CADM2: variants seen among roughly 807,000 people sequenced by gnomAD.
CADM2 encodes the protein cell adhesion molecule 2, also known as immunoglobulin superfamily member 4D.
A neutral mutation model predicts 49.8 loss-of-function variants in CADM2; 12 were observed. That is an observed-to-expected ratio of 0.24 (90% CI 0.15 to 0.39). The LOEUF is 0.39. CADM2 is among the 10% of genes least tolerant of loss of function. The pLI is 1.00. For missense variants in CADM2, 378 were observed against 492.3 expected (o/e 0.77, Z 2.20); for synonymous variants, 214 against 175.4 (o/e 1.22, Z -1.74).
At position 85,560,212 on chromosome 3, in the gene CADM2, G is replaced by A. The variant is rs539680736; in HGVS notation, c.62-166310G>A. Among the ~76,000 whole-genome samples, 12 of 152,312 alleles carry A rather than the reference G, an allele frequency of 7.9e-5. No homozygotes were observed. The South Asian group carries it at 2.5e-3, about 32-fold the overall frequency. On this transcript the variant is annotated intron_variant, in intron 1 of 9. Transcript: ENST00000383699. Reference sequence around the variant, plus strand: ...TCAAAACTAAGCTGGTGAACCATGAGGGGATTACAGTTTTATCAACAGCCT... The same window carrying A: ...TCAAAACTAAGCTGGTGAACCATGAAGGGATTACAGTTTTATCAACAGCCT...
Position 85,006,102 on chromosome 3 carries a change from A to T in CADM2, c.61+46434A>T, listed in dbSNP as rs558259227. ...TACACAGACACAAACAATGTGGCCT[A>T]GCTGGATAGCTGTGAAATCAAAGCA... On this transcript the variant is annotated intron_variant, in intron 1 of 9. Transcript: ENST00000383699. Among the ~76,000 whole-genome samples the T allele has an allele frequency of 4.9e-4, 74 of 152,286 alleles. No individual in the cohort carries two copies. In the South Asian group the frequency reaches 0.011, roughly 22 times the overall value.
chr3:85,798,450 G>T (rs1011605131), intron 2 of CADM2, among the ~76,000 whole-genome samples: 9 of 152,108 alleles, frequency 5.9e-5, no homozygotes, highest in Non-Finnish European at 1.2e-4. Context: ...TTTGTATAAG[G>T]TGTAAGGAAG....
chr3:85,897,520 C>T (rs989275344), intron 5 of CADM2, among the ~76,000 whole-genome samples: 11 of 151,394 alleles, frequency 7.3e-5, no homozygotes, highest in Admixed American at 6.6e-4. Context: ...CCACCCGCCT[C>T]GGCCTCCCAA....
intron 1 of CADM2, among the ~76,000 whole-genome samples, chr3:85,165,370 C>G (rs747828338): frequency 6.6e-6 from 1 of 151,772 alleles, no homozygotes; most frequent in Non-Finnish European, 1.5e-5. Context: ...AATTAATGGT[C>G]TAAGACAATT....
intron 1 of CADM2, among the ~76,000 whole-genome samples, chr3:85,430,738 A>G (rs770794951): frequency 1.4e-4 from 21 of 152,032 alleles, no homozygotes; most frequent in Admixed American, 5.9e-4. Flanking sequence ...GAAGACAGAT[A>G]AATAACACAT....
chr3:85,706,120 C>T (rs1644359818), intron 1 of CADM2, among the ~76,000 whole-genome samples: 1 of 152,154 alleles, frequency 6.6e-6, no homozygotes, highest in South Asian at 2.1e-4. Context: ...AGATAATCTT[C>T]CATCTCAAGG....
At chr3:85,134,548 A>T (rs2039356769) in intron 1 of CADM2, among the ~76,000 whole-genome samples, 1 of 152,236 alleles carries the variant, frequency 6.6e-6, no homozygotes, top group South Asian at 2.1e-4. Flanking sequence ...TAATTTTAGC[A>T]GAGTTGGTTA....
At chr3:85,304,905 A>G (rs372820140) in intron 1 of CADM2, among the ~76,000 whole-genome samples, 84 of 151,860 alleles carry the variant, frequency 5.5e-4, no homozygotes, top group African/African-American at 2.0e-3. Context: ...GTAAAACACA[A>G]TACCTTGTCC....
intron 1 of CADM2, among the ~76,000 whole-genome samples, chr3:85,610,270 A>G (rs1576926884): frequency 6.6e-6 from 1 of 151,978 alleles, no homozygotes; most frequent in African/African-American, 2.4e-5. Flanking sequence ...TGATGTAACT[A>G]TTTGAATTCA....
intron 1 of CADM2, among the ~76,000 whole-genome samples, chr3:85,246,359 T>C (rs1160953567): frequency 6.6e-6 from 1 of 151,974 alleles, no homozygotes; most frequent in African/African-American, 2.4e-5. Flanking sequence ...GAGGAGTTAA[T>C]GGGTGCAGCA....
intron 1 of CADM2, among the ~76,000 whole-genome samples, chr3:85,640,479 T>A (rs1009329492): frequency 1.5e-4 from 23 of 152,224 alleles, no homozygotes; most frequent in Admixed American, 1.5e-3. Flanking sequence ...TAACTCATAA[T>A]CACGTATTCA....
At chr3:85,930,180 C>G (rs946556007) in intron 6 of CADM2, among the ~76,000 whole-genome samples, 2 of 152,082 alleles carry the variant, frequency 1.3e-5, no homozygotes, top group Non-Finnish European at 2.9e-5. Context: ...ATAGTTTACA[C>G]ATGTAGTACT....
At chr3:85,893,386 A>G (rs1343865174) in intron 5 of CADM2, among the ~76,000 whole-genome samples, 3 of 152,238 alleles carry the variant, frequency 2.0e-5, no homozygotes, top group Non-Finnish European at 2.9e-5. Context: ...CTAAAACCAT[A>G]AAAACCCTAG....
At chr3:85,779,519 C>CAACAACAAG (rs1398131214) in intron 2 of CADM2, among the ~76,000 whole-genome samples, 1 of 152,054 alleles carries the variant, frequency 6.6e-6, no homozygotes, top group African/African-American at 2.4e-5. Context: ...CTTCACATAG[C>CAACAACAAG]AACAACAAGG....
At position 85,718,550 on chromosome 3, in the gene CADM2, A is replaced by G. The variant is rs537410608; in HGVS notation, c.62-7972A>G. Among the ~76,000 whole-genome samples the G allele has an allele frequency of 5.9e-5, 9 of 152,304 alleles. No homozygotes were observed. In the South Asian group the frequency reaches 1.7e-3, roughly 28 times the overall value. ...GGGAAATATAGCATAAGAAAAAGAG[A>G]TTTAAAAATTGGTACTGACTCATGA... On this transcript the variant is annotated intron_variant, in intron 1 of 9. Transcript: ENST00000383699.
At chr3:85,504,662 G>A (rs1318749782) in intron 1 of CADM2, among the ~76,000 whole-genome samples, 1 of 152,208 alleles carries the variant, frequency 6.6e-6, no homozygotes, top group East Asian at 1.9e-4. Context: ...TGCCAGTCCC[G>A]CGCCGTGCGC....
At chr3:85,889,044 C>T (rs1714058840) in intron 5 of CADM2, among the ~76,000 whole-genome samples, 1 of 152,070 alleles carries the variant, frequency 6.6e-6, no homozygotes, top group South Asian at 2.1e-4. Flanking sequence ...TGTTAAAATG[C>T]CTCTCGATTT....
intron 1 of CADM2, among the ~76,000 whole-genome samples, chr3:85,411,426 A>G (rs143396079): frequency 6.6e-6 from 1 of 152,352 alleles, no homozygotes; most frequent in African/African-American, 2.4e-5. Flanking sequence ...AAGATTAATG[A>G]AAGTTCAGTA....
At chr3:85,814,054 A>T (rs773140770) in intron 3 of CADM2, among the ~76,000 whole-genome samples, 14 of 151,596 alleles carry the variant, frequency 9.2e-5, no homozygotes, top group Admixed American at 2.0e-4. Flanking sequence ...AGTTTAAAGA[A>T]TTTTTTTTTC....
Sources: gnomAD v4.1 joint callset for allele counts (sites outside exome capture counted in the v4.1 genomes callset) on GRCh38, gnomAD v4.1.1 for gene constraint, MANE v1.5 for transcripts, NCBI Gene and HGNC (gene_info 2026-07-23, HGNC 2026-07-21) for gene names.